The following UNC5C variants were observed in gnomAD, a reference collection of about 807,000 sequenced individuals.
UNC5C encodes netrin receptor UNC5C.
In UNC5C, 47 loss-of-function variants were observed where a neutral mutation model predicts 99.8. The ratio of observed to expected loss-of-function variants is 0.47; its 90% confidence interval spans 0.37 to 0.60. UNC5C has a LOEUF of 0.60. Among genes scored for constraint, UNC5C ranks in the 20% least tolerant of loss-of-function variants. The pLI is 0.00. For synonymous variants in UNC5C, 487 were observed against 452.2 expected, an observed-to-expected ratio of 1.08 and a Z score of -0.98; for missense variants, 1,062 against 1,165.9, an observed-to-expected ratio of 0.91 and a Z score of 1.30.
intron 1 of UNC5C, among the ~76,000 whole-genome samples, chr4:95,489,361 C>T (rs559878152): frequency 1.3e-5 from 2 of 151,316 alleles, no homozygotes; most frequent in South Asian, 4.2e-4. Context: ...ATAGTGATTG[C>T]GGCAGAAGAT....
intron 1 of UNC5C, among the ~76,000 whole-genome samples, chr4:95,375,985 G>A (rs28555153): frequency 0.047 from 7,137 of 151,954 alleles, 214 homozygotes; most frequent in South Asian, 0.14. Flanking sequence ...CCTGGGAGGC[G>A]GAGCTTGCAG....
At chr4:95,178,534 C>G (rs961849868) in intron 14 of UNC5C, among the ~76,000 whole-genome samples, 2 of 152,218 alleles carry the variant, frequency 1.3e-5, no homozygotes, top group Non-Finnish European at 2.9e-5. Context: ...GCCCCACACA[C>G]AAGAAGCTAC....
chr4:95,442,588 C>T (rs1560834139), intron 1 of UNC5C, among the ~76,000 whole-genome samples: 1 of 151,916 alleles, frequency 6.6e-6, no homozygotes, highest in Admixed American at 6.6e-5. Context: ...CACCCCAGCC[C>T]CCAAGTAGCT....
At chr4:95,389,474 C>T (rs537782703) in intron 1 of UNC5C, among the ~76,000 whole-genome samples, 25 of 152,130 alleles carry the variant, frequency 1.6e-4, no homozygotes, top group Non-Finnish European at 2.6e-4. Flanking sequence ...ATATCTAGAA[C>T]GATAATTCTA....
At chr4:95,424,334 C>T (rs1315125683) in intron 1 of UNC5C, among the ~76,000 whole-genome samples, 1 of 151,362 alleles carries the variant, frequency 6.6e-6, no homozygotes, top group Non-Finnish European at 1.5e-5. Flanking sequence ...ATATACGTGT[C>T]TGTGTATATA....
intron 1 of UNC5C, among the ~76,000 whole-genome samples, chr4:95,346,040 A>G (rs903468206): frequency 2.0e-5 from 3 of 149,754 alleles, no homozygotes; most frequent in Non-Finnish European, 4.5e-5. Context: ...GAAGAAAACA[A>G]TAAAAAAGAT....
chr4:95,364,370 A>C (rs777151716), intron 1 of UNC5C, among the ~76,000 whole-genome samples: 26 of 152,176 alleles, frequency 1.7e-4, no homozygotes, highest in Non-Finnish European at 4.4e-5. Context: ...CCCATTATTG[A>C]TATGGGGACA....
At chr4:95,193,788 C>CT (rs1737259416) in intron 12 of UNC5C, among the ~76,000 whole-genome samples, 1 of 152,194 alleles carries the variant, frequency 6.6e-6, no homozygotes, top group South Asian at 2.1e-4. Context: ...CCCCCATGCT[C>CT]TGTCCCCTCC....
chr4:95,210,766 C>T (rs757575889), intron 10 of UNC5C, among the ~76,000 whole-genome samples: 1 of 152,192 alleles, frequency 6.6e-6, no homozygotes, highest in South Asian at 2.1e-4. Flanking sequence ...ACAAAGCCCA[C>T]AGAGAGAAAT....
intron 2 of UNC5C, among the ~76,000 whole-genome samples, chr4:95,304,168 T>C (rs1008334305): frequency 1.8e-4 from 27 of 152,128 alleles, no homozygotes; most frequent in Non-Finnish European, 4.0e-4. Flanking sequence ...GGTTTTATAA[T>C]CCCAAGGCGT....
chr4:95,465,476 G>A (rs911199349), intron 1 of UNC5C, among the ~76,000 whole-genome samples: 9 of 152,092 alleles, frequency 5.9e-5, no homozygotes, highest in African/African-American at 1.4e-4. Flanking sequence ...CTACAATATC[G>A]TGTAGGGTTC....
At chr4:95,273,839 C>A (rs566750657) in intron 4 of UNC5C, among the ~76,000 whole-genome samples, 1 of 152,206 alleles carries the variant, frequency 6.6e-6, no homozygotes, top group East Asian at 1.9e-4. Flanking sequence ...TGGTTTGGAA[C>A]CTTGCCCTCA....
At chr4:95,393,783 C>G (rs1214386143) in intron 1 of UNC5C, among the ~76,000 whole-genome samples, 1 of 151,396 alleles carries the variant, frequency 6.6e-6, no homozygotes, top group Non-Finnish European at 1.5e-5. Flanking sequence ...GTGAGCTGTT[C>G]CAAAAATTAC....
rs570651617 is a variant in UNC5C at position 95,412,433 on chromosome 4, C to T, written c.125-76802G>A. ...ATGGCAATCTCATGTTAGGTCCCCTCCAATCCTAGACTGGAAGCTCCTTGA... is the reference window on the plus strand; with the variant it reads ...ATGGCAATCTCATGTTAGGTCCCCTTCAATCCTAGACTGGAAGCTCCTTGA... On this transcript the variant is annotated intron_variant, in intron 1 of 15. Transcript: ENST00000453304. Among the ~76,000 whole-genome samples the T allele has an allele frequency of 1.5e-4, 23 of 152,240 alleles. 1 individual carries two copies. Among genetic ancestry groups the T allele is most frequent in the Admixed American group, 3.3e-4 (5 of 15,290 alleles).
chr4:95,511,938 C>T (rs1250707209), intron 1 of UNC5C, among the ~76,000 whole-genome samples: 5 of 152,090 alleles, frequency 3.3e-5, no homozygotes, highest in Non-Finnish European at 7.4e-5. Context: ...TTGCTTTGTT[C>T]AGATCATCTT....
intron 1 of UNC5C, among the ~76,000 whole-genome samples, chr4:95,438,203 C>T (rs1263472117): frequency 3.9e-5 from 6 of 152,092 alleles, no homozygotes; most frequent in African/African-American, 1.4e-4. Flanking sequence ...AGATATTTCT[C>T]AGAAAGATGG....
intron 1 of UNC5C, among the ~76,000 whole-genome samples, chr4:95,379,009 T>C (rs1228488360): frequency 6.6e-6 from 1 of 152,102 alleles, no homozygotes; most frequent in Non-Finnish European, 1.5e-5. Context: ...ATTCCTTACT[T>C]TGGAAGTAGG....
intron 2 of UNC5C, among the ~76,000 whole-genome samples, chr4:95,309,250 C>T (rs1444536104): frequency 6.6e-6 from 1 of 151,932 alleles, no homozygotes; most frequent in African/African-American, 2.4e-5. Flanking sequence ...TGAAATTAGA[C>T]CCTTAACTCA....
chr4:95,404,076 T>C (rs964510966), intron 1 of UNC5C, among the ~76,000 whole-genome samples: 2 of 152,220 alleles, frequency 1.3e-5, no homozygotes, highest in South Asian at 2.1e-4. Context: ...AAGAATCGCT[T>C]TTATTTTATA....
Sources: allele counts gnomAD v4.1 joint callset (sites outside exome capture counted in the v4.1 genomes callset), GRCh38; gene constraint gnomAD v4.1.1; transcripts MANE v1.5; gene names NCBI Gene and HGNC (gene_info 2026-07-23, HGNC 2026-07-21).